Variants in SULF1 observed in about 807,000 individuals in gnomAD.
The protein encoded by SULF1 is extracellular sulfatase Sulf-1.
SULF1 carries 46 observed loss-of-function variants against 110.5 expected under a neutral mutation model. The ratio of observed to expected loss-of-function variants is 0.42; its 90% CI spans 0.33 to 0.53. The LOEUF is 0.53. Ranked by LOEUF, SULF1 falls within the 20% of genes least tolerant of loss-of-function variation. The probability of loss-of-function intolerance (pLI) is 0.12; values close to 1 mark genes in which losing one functional copy is unlikely to be tolerated. For missense variants in SULF1, 941 were observed against 1,094.2 expected (o/e 0.86, Z 1.98); for synonymous variants, 371 against 387.1 (o/e 0.96, Z 0.49).
chr8:69,495,370 A>G (rs1441203), intron 1 of SULF1, among the ~76,000 whole-genome samples: 107,282 of 151,780 alleles, frequency 0.71, 38,390 homozygotes, highest in East Asian at 0.86. Flanking sequence ...CTCCAGCCTG[A>G]GCAACATAGT....
At chr8:69,496,784 G>A (rs1810390764) in intron 2 of SULF1, among the ~76,000 whole-genome samples, 1 of 152,230 alleles carries the variant, frequency 6.6e-6, no homozygotes, top group Non-Finnish European at 1.5e-5. Flanking sequence ...ACTGGGTGCT[G>A]CCTGAGCCAC....
chr8:69,538,747 C>A (rs549960283), intron 3 of SULF1, among the ~76,000 whole-genome samples: 1 of 151,856 alleles, frequency 6.6e-6, no homozygotes, highest in African/African-American at 2.4e-5. Context: ...GGCTGAAGTG[C>A]AATGGTGCAA....
chr8:69,573,215 C>T (rs575618911), intron 5 of SULF1, among the ~76,000 whole-genome samples: 1 of 152,122 alleles, frequency 6.6e-6, no homozygotes. Flanking sequence ...TTCCTTTTGA[C>T]GTGTGGACTG....
Position 69,624,115 on chromosome 8 carries a change from T to C in SULF1, c.1768T>C (p.Ser590Pro). 2 of 1,613,832 alleles carry C rather than the reference T, an allele frequency of 1.2e-6. No individual in the cohort carries two copies. The highest frequency in any genetic ancestry group is 1.7e-6 in the Non-Finnish European group (2 of 1,179,776). The change falls in exon 15 of 23, where the codon TCC becomes CCC. Residue 590 changes from serine to proline, a missense_variant. Ser to Pro is a moderately conservative substitution (Grantham distance 74). This residue lies in a region of SULF1 where 822 missense variants were observed against 934.3 expected (regional missense o/e 0.88). Coordinates refer to ENST00000402687, the MANE Select transcript of SULF1 (RefSeq NM_001128205.2). ...GHKGPRDLQA[S>P]SGGNRGRMLA... Reference sequence around the variant, plus strand: ...CAAGGGGCCAAGAGATCTCCAGGCTTCCAGTGGTGGCAACAGGGGCAGGAT... The same window carrying C: ...CAAGGGGCCAAGAGATCTCCAGGCTCCCAGTGGTGGCAACAGGGGCAGGAT...
intron 13 of SULF1, among the ~76,000 whole-genome samples, chr8:69,608,395 T>G (rs1402751167): frequency 6.6e-6 from 1 of 152,200 alleles, no homozygotes; most frequent in East Asian, 1.9e-4. Context: ...TAAAATGGGC[T>G]GAGGCCGGGC....
chr8:69,656,971 C>T (rs1459466819), intron 22 of SULF1, among the ~76,000 whole-genome samples: 3 of 152,196 alleles, frequency 2.0e-5, no homozygotes, highest in Admixed American at 1.3e-4. Flanking sequence ...TCTCTGCAAC[C>T]TTGCCAGCAT....
rs1815666929 is a variant in SULF1, at chr8:69,563,615, T to C, written c.-61+4T>C. The C allele has an allele frequency of 5.0e-6, 1 of 200,676 alleles. No individual in the cohort carries two copies. The highest frequency in any genetic ancestry group is 1.0e-5 in the Non-Finnish European group (1 of 97,788). The allele number at this position is 200,676 out of a possible 1,614,324, so 12.4% of individuals were successfully genotyped here. A position where few individuals can be genotyped will look rare whatever the true frequency, so the allele number is the denominator to read the frequency against. ...CAACCAGGATACCTAATTCAAGGTA[T>C]TAGCTCTCGTCAGAAAGCTTTTACA... On this transcript the variant is annotated splice_donor_region_variant and intron_variant, in intron 4 of 22. Coordinates refer to ENST00000402687, the MANE Select transcript of SULF1 (RefSeq NM_001128205.2).
intron 1 of SULF1, among the ~76,000 whole-genome samples, chr8:69,470,253 C>G (rs1055797931): frequency 6.6e-6 from 1 of 151,906 alleles, no homozygotes; most frequent in Non-Finnish European, 1.5e-5. Flanking sequence ...AATAGATGGT[C>G]GCTTTTATCA....
intron 3 of SULF1, among the ~76,000 whole-genome samples, chr8:69,509,678 A>G (rs1811426310): frequency 6.6e-6 from 1 of 152,220 alleles, no homozygotes; most frequent in Non-Finnish European, 1.5e-5. Context: ...GAGACAAAAA[A>G]TGACATCCCT....
chr8:69,571,650 A>G (rs1805242250), intron 5 of SULF1, among the ~76,000 whole-genome samples: 1 of 152,226 alleles, frequency 6.6e-6, no homozygotes, highest in South Asian at 2.1e-4. Context: ...TTCAGCTTAA[A>G]ACAAAACTGA....
At chr8:69,576,329 T>G in intron 6 of SULF1, 120 bp downstream of exon 6, 2 of 1,203,664 alleles carry the variant, frequency 1.7e-6, no homozygotes, top group African/African-American at 3.0e-5. Flanking sequence ...TCAAGTGTTT[T>G]TAAACTGCTT....
chr8:69,592,981 TG>T (rs1159030933), intron 8 of SULF1: 1 of 987,022 alleles, frequency 1.0e-6, no homozygotes, highest in Non-Finnish European at 1.2e-6. Flanking sequence ...GTATGTGCTA[TG>T]GGTAAGTGCC....
At chr8:69,537,020 A>C (rs1813468820) in intron 3 of SULF1, among the ~76,000 whole-genome samples, 1 of 152,172 alleles carries the variant, frequency 6.6e-6, no homozygotes, top group African/African-American at 2.4e-5. Flanking sequence ...AAATGGGGGA[A>C]TGAGTCCTAC....
At chr8:69,560,813 G>T (rs1815430202) in intron 3 of SULF1, among the ~76,000 whole-genome samples, 1 of 152,200 alleles carries the variant, frequency 6.6e-6, no homozygotes, top group Non-Finnish European at 1.5e-5. Flanking sequence ...ATAAAGAATT[G>T]TCTGTGTGCA....
chr8:69,629,119 C>T (rs747773267), intron 18 of SULF1, among the ~76,000 whole-genome samples: 17 of 152,144 alleles, frequency 1.1e-4, no homozygotes, highest in Non-Finnish European at 2.2e-4. Context: ...CTACAACCTC[C>T]ACCTCCTGGG....
chr8:69,653,221 C>A (rs1249522709), intron 22 of SULF1, among the ~76,000 whole-genome samples: 1 of 152,138 alleles, frequency 6.6e-6, no homozygotes, highest in African/African-American at 2.4e-5. Flanking sequence ...AGGCGTGTGC[C>A]ACCACACTCA....
chr8:69,604,737 G>A, intron 12 of SULF1, 66 bp from the exon 13 acceptor site: 4 of 1,591,250 alleles, frequency 2.5e-6, no homozygotes, highest in Non-Finnish European at 3.4e-6. Flanking sequence ...AAAAAAAGGG[G>A]GCAGGACTCA....
intron 13 of SULF1, among the ~76,000 whole-genome samples, chr8:69,620,109 G>C (rs918344187): frequency 2.0e-5 from 3 of 152,128 alleles, no homozygotes; most frequent in Admixed American, 2.0e-4. Flanking sequence ...AGCAGGGATG[G>C]AGTGGGAAGA....
At chr8:69,537,916 A>C (rs1015940648) in intron 3 of SULF1, among the ~76,000 whole-genome samples, 2 of 76,592 alleles carry the variant, frequency 2.6e-5, no homozygotes, top group African/African-American at 8.8e-5. Context: ...AATAGAATAG[A>C]AAATTGAAAA....
Sources: allele counts gnomAD v4.1 joint callset (sites outside exome capture counted in the v4.1 genomes callset), GRCh38; gene constraint gnomAD v4.1.1; regional missense constraint gnomAD v4.1.1; transcripts MANE v1.5; gene names NCBI Gene and HGNC (gene_info 2026-07-23, HGNC 2026-07-21).